The following TRIP12 variants were observed in gnomAD, a reference collection of about 807,000 sequenced individuals.
The protein encoded by TRIP12 is E3 ubiquitin-protein ligase TRIP12.
In TRIP12, 25 loss-of-function variants were observed where a neutral mutation model predicts 244.2. The ratio of observed to expected loss-of-function variants is 0.10; its 90% confidence interval spans 0.07 to 0.14. The LOEUF (loss-of-function observed/expected upper bound fraction) is 0.14, where lower values mean the gene tolerates loss of function less well. TRIP12 is among the 10% of genes least tolerant of loss of function. The probability of loss-of-function intolerance (pLI) is 1.00; values close to 1 mark genes in which losing one functional copy is unlikely to be tolerated. For synonymous variants in TRIP12, 905 were observed against 873.1 expected, an observed-to-expected ratio of 1.04 and a Z score of -0.64; for missense variants, 1,677 against 2,486.4, an observed-to-expected ratio of 0.67 and a Z score of 6.92.
At chr2:229,796,298 T>G (rs561306467) in intron 25 of TRIP12, among the ~76,000 whole-genome samples, 7 of 152,140 alleles carry the variant, frequency 4.6e-5, no homozygotes, top group Non-Finnish European at 8.8e-5. Flanking sequence ...ATATTGCAAG[T>G]AAAATACATT....
intron 1 of TRIP12, among the ~76,000 whole-genome samples, chr2:229,899,324 GC>G (rs771144015): frequency 1.3e-5 from 2 of 152,192 alleles, no homozygotes; most frequent in Non-Finnish European, 2.9e-5. Flanking sequence ...AGGAGGTACT[GC>G]CACACCTCCA....
chr2:229,814,545 C>T (rs747437412), intron 11 of TRIP12: 9 of 397,992 alleles, frequency 2.3e-5, no homozygotes, highest in Non-Finnish European at 3.1e-5. Context: ...ATATGTTTTA[C>T]ATAATAAACC....
rs538527159 is a variant in TRIP12, at chr2:229,771,714, C to T, written c.5695-82G>A. ...TAATATGTGGCAAAGTACAGTGAAA[C>T]ACCCTTCTGGATCACTTTATAAAGA... On this transcript the variant is annotated intron_variant, in intron 38 of 41. Coordinates refer to ENST00000675903, the MANE Select transcript of TRIP12 (RefSeq NM_001348323.3). 2.7e-5 allele frequency: 26 copies of T among 966,948 alleles called. No homozygotes were observed. The East Asian group carries it at 6.5e-4, about 24-fold the overall frequency. 59.9% of individuals were successfully genotyped at this position (966,948 alleles called of 1,614,324 possible).
intron 1 of TRIP12, among the ~76,000 whole-genome samples, chr2:229,903,887 T>C (rs2154371874): frequency 6.8e-6 from 1 of 148,016 alleles, no homozygotes; most frequent in East Asian, 2.0e-4. Flanking sequence ...AAAAAAAAAT[T>C]AGCCAGGCAT....
chr2:229,876,382 G>T (rs1011063303), intron 2 of TRIP12, among the ~76,000 whole-genome samples: 1 of 152,112 alleles, frequency 6.6e-6, no homozygotes, highest in Non-Finnish European at 1.5e-5. Flanking sequence ...AAGCCAAGAC[G>T]GCAAAATGAT....
In TRIP12 at chr2:229,778,686, T is replaced by C. The variant is rs1258171881; in HGVS notation, c.5210-99A>G. ...TTTAAGAAATTAAGCATTCTCAAAA[T>C]TGGAGTGCAGATCACTGAATGAAGT... is the stretch of plus-strand genomic sequence containing the variant. On this transcript the variant is annotated intron_variant, in intron 35 of 41. Transcript: ENST00000675903. This position sits in a 1 kb window ranked among gnomAD's most constrained non-coding sequence, Gnocchi z 4.1. 7.3e-6 allele frequency: 11 copies of C among 1,511,444 alleles called. No individual in the cohort carries two copies. The highest frequency in any genetic ancestry group is 5.1e-5 in the South Asian group (4 of 77,806). The allele number at this position is 1,511,444 out of a possible 1,614,324, so 93.6% of individuals were successfully genotyped here.
chr2:229,878,804 G>T (rs1284234436), intron 2 of TRIP12, among the ~76,000 whole-genome samples: 3 of 151,828 alleles, frequency 2.0e-5, no homozygotes, highest in African/African-American at 7.2e-5. Context: ...GGATGGTCTC[G>T]ATCTCCTGAC....
chr2:229,788,969 T>C, intron 31 of TRIP12, 29 bp from the exon 32 acceptor site: 2 of 1,539,980 alleles, frequency 1.3e-6, no homozygotes, highest in South Asian at 2.4e-5. Flanking sequence ...AAAAAAAGTC[T>C]ACATGTAGTA....
intron 2 of TRIP12, 75 bp from the exon 3 acceptor site, chr2:229,860,606 T>G: frequency 7.6e-7 from 1 of 1,321,256 alleles, no homozygotes; most frequent in Non-Finnish European, 1.0e-6. Context: ...TGAAATATTT[T>G]TATATATTTC....
intron 2 of TRIP12, among the ~76,000 whole-genome samples, chr2:229,868,905 C>T (rs1273429991): frequency 1.3e-5 from 2 of 152,158 alleles, no homozygotes; most frequent in African/African-American, 4.8e-5. Flanking sequence ...GGTACTTGTC[C>T]AACCACTTGG....
At chr2:229,779,759 C>A (rs774820233) in intron 34 of TRIP12, among the ~76,000 whole-genome samples, 5 of 152,104 alleles carry the variant, frequency 3.3e-5, no homozygotes, top group Non-Finnish European at 7.4e-5. Flanking sequence ...AGCTTAGAGC[C>A]TGGGCACTGG....
intron 4 of TRIP12, among the ~76,000 whole-genome samples, chr2:229,846,673 T>TA (rs2057644824): frequency 3.4e-5 from 3 of 88,012 alleles, no homozygotes; most frequent in Admixed American, 1.3e-4. Context: ...AAAAATAAAT[T>TA]TAAAAAAATG....
Position 229,855,617 on chromosome 2 carries a change from AAAAAAAAG to A in TRIP12, c.1027+3147_1027+3154del, listed in dbSNP as rs1362178332. Among the ~76,000 whole-genome samples, 65 of 126,582 alleles carry A rather than the reference AAAAAAAAG, an allele frequency of 5.1e-4. 1 individual carries two copies. Among genetic ancestry groups the A allele is most frequent in the East Asian group, 5.0e-3 (20 of 4,036 alleles). 83.0% of individuals were successfully genotyped at this position (126,582 alleles called of 152,430 possible). A position where few individuals can be genotyped will look rare whatever the true frequency, so the allele number is the denominator to read the frequency against. ...TAACAAGGGTTTAAAAAAAAAAAAA[AAAAAAAAG>A]AGAAAAGAAAATGCTTCATTCAAGG... is the stretch of plus-strand genomic sequence containing the variant. On this transcript the variant is annotated intron_variant, in intron 4 of 41. Coordinates refer to ENST00000675903, the MANE Select transcript of TRIP12 (RefSeq NM_001348323.3).
chr2:229,850,202 A>G (rs2058390572), intron 4 of TRIP12, among the ~76,000 whole-genome samples: 1 of 152,214 alleles, frequency 6.6e-6, no homozygotes, highest in African/African-American at 2.4e-5. Flanking sequence ...TTTCCAAACA[A>G]TGTAATACAA....
chr2:229,890,887 C>G lies in TRIP12; in HGVS notation c.-49-10759G>C, dbSNP rs1451568884. ...GCCAGAATACGTACAAACCAGGAGC[C>G]AAGAGAAAATTCAGAGCTGTATTTC... On this transcript the variant is annotated intron_variant, in intron 1 of 41. Transcript: ENST00000675903. Among the ~76,000 whole-genome samples the G allele has an allele frequency of 3.3e-5, 5 of 152,112 alleles. No individual in the cohort carries two copies. In the East Asian group the frequency reaches 9.6e-4, roughly 29 times the overall value.
intron 1 of TRIP12, 97 bp from the exon 2 acceptor site, chr2:229,880,225 A>G: frequency 2.7e-6 from 2 of 735,402 alleles, no homozygotes; most frequent in Non-Finnish European, 2.2e-6. Flanking sequence ...AATTTTCTGC[A>G]AACTATCTGA....
chr2:229,780,666 T>C (rs1047829965), intron 34 of TRIP12, among the ~76,000 whole-genome samples: 1 of 152,204 alleles, frequency 6.6e-6, no homozygotes, highest in Non-Finnish European at 1.5e-5. Context: ...GTGCTAGAGA[T>C]ACTCTTCCCC....
chr2:229,874,606 T>C (rs1255570114), intron 2 of TRIP12, among the ~76,000 whole-genome samples: 1 of 152,064 alleles, frequency 6.6e-6, no homozygotes, highest in South Asian at 2.1e-4. Flanking sequence ...AGAAAATACA[T>C]CTAGTGATAA....
intron 1 of TRIP12, among the ~76,000 whole-genome samples, chr2:229,892,339 T>C (rs934791721): frequency 1.3e-5 from 2 of 152,124 alleles, no homozygotes; most frequent in African/African-American, 4.8e-5. Context: ...TGTTTATATA[T>C]GTGTAGGAAA....
Sources: gnomAD v4.1 joint callset for allele counts (sites outside exome capture counted in the v4.1 genomes callset) on GRCh38, gnomAD v4.1.1 for gene constraint, Gnocchi (gnomAD v3.1) non-coding constraint, MANE v1.5 for transcripts, NCBI Gene and HGNC (gene_info 2026-07-23, HGNC 2026-07-21) for gene names.